The following RTTN variants were observed in gnomAD, a reference collection of about 807,000 sequenced individuals.
RTTN encodes the protein rotatin.
A neutral mutation model predicts 269.2 loss-of-function variants in RTTN; 182 were observed. The ratio of observed to expected loss-of-function variants is 0.68; its 90% CI spans 0.60 to 0.76. RTTN has a LOEUF of 0.76. Among genes scored for constraint, RTTN ranks in the 30% least tolerant of loss-of-function variants. The pLI is 0.00. For missense variants in RTTN, 2,545 were observed against 2,608.6 expected, an observed-to-expected ratio of 0.98 and a Z score of 0.53; for synonymous variants, 1,006 against 963.5, an observed-to-expected ratio of 1.04 and a Z score of -0.82.
At chr18:70,135,322 C>T (rs753511345) in intron 21 of RTTN, 42 bp from the exon 22 acceptor site, 1 of 1,159,868 alleles carries the variant, frequency 8.6e-7, no homozygotes, top group South Asian at 1.4e-5. Flanking sequence ...ATTTGTACGT[C>T]TAGAAAGAAT....
rs765143937 is a variant in RTTN, at chr18:70,017,686, TAG to T, written c.6154-14_6154-13del. The T allele has an allele frequency of 2.5e-5, 40 of 1,591,662 alleles. No homozygotes were observed. Among genetic ancestry groups the T allele is most frequent in the Non-Finnish European group, 3.3e-5 (39 of 1,169,474 alleles). On this transcript the variant is annotated splice_polypyrimidine_tract_variant and intron_variant, in intron 45 of 48. Coordinates refer to ENST00000640769, the MANE Select transcript of RTTN (RefSeq NM_173630.4). ...TGTAAGAAGTTACTCTGTGGATAAA[TAG>T]AGAGAATATTATTTTCTTCTCATCT...
chr18:70,149,921 C>G (rs775834411), intron 16 of RTTN, 50 bp downstream of exon 16: 1 of 1,264,340 alleles, frequency 7.9e-7, no homozygotes, highest in Admixed American at 1.7e-5. Context: ...AAATCAATCA[C>G]ACCCAGCCAA....
At chr18:70,102,860 G>C (rs1283022374) in intron 28 of RTTN, among the ~76,000 whole-genome samples, 1 of 152,224 alleles carries the variant, frequency 6.6e-6, no homozygotes, top group Non-Finnish European at 1.5e-5. Flanking sequence ...GAAATTCTGG[G>C]TTGAAAATTC....
chr18:70,032,212 TG>T (rs573767233), intron 40 of RTTN, among the ~76,000 whole-genome samples: 1 of 152,168 alleles, frequency 6.6e-6, no homozygotes, highest in Non-Finnish European at 1.5e-5. Flanking sequence ...GCCCATGAGA[TG>T]GGGCCAATCT....
intron 32 of RTTN, among the ~76,000 whole-genome samples, chr18:70,078,453 A>G (rs994383086): frequency 1.8e-4 from 27 of 151,986 alleles, no homozygotes; most frequent in Admixed American, 5.9e-4. Flanking sequence ...GATGATTAAG[A>G]GCTTAGAAAA....
At chr18:70,135,569 A>G (rs2060105353) in intron 21 of RTTN, among the ~76,000 whole-genome samples, 2 of 152,156 alleles carry the variant, frequency 1.3e-5, no homozygotes. Context: ...ACACTTGTAG[A>G]TACACTCACT....
intron 28 of RTTN, 34 bp downstream of exon 28, chr18:70,109,464 T>C (rs1156735629): frequency 6.4e-7 from 1 of 1,550,494 alleles, no homozygotes; most frequent in Middle Eastern, 1.7e-4. Flanking sequence ...AAGCAACTAA[T>C]AGTAAATAAC....
At chr18:70,110,311 C>G (rs533188197) in intron 27 of RTTN, among the ~76,000 whole-genome samples, 1 of 152,062 alleles carries the variant, frequency 6.6e-6, no homozygotes, top group Admixed American at 6.5e-5. Flanking sequence ...CTGCAGCTCC[C>G]GGCAAGATCG....
intron 28 of RTTN, among the ~76,000 whole-genome samples, chr18:70,093,032 A>T (rs186797875): frequency 2.4e-3 from 367 of 152,286 alleles, no homozygotes; most frequent in Admixed American, 4.2e-3. Flanking sequence ...AGCAAGACCC[A>T]GTCTACTTTA....
chr18:70,150,847 CTTTT>C, intron 14 of RTTN, 114 bp from the exon 15 acceptor site: 1 of 731,778 alleles, frequency 1.4e-6, no homozygotes, highest in Admixed American at 3.3e-5. Context: ...TTCATTGAAA[CTTTT>C]TTTAACAAGA....
intron 14 of RTTN, among the ~76,000 whole-genome samples, chr18:70,158,775 A>C (rs1357636873): frequency 6.6e-6 from 1 of 152,230 alleles, no homozygotes; most frequent in Non-Finnish European, 1.5e-5. Context: ...CAGAAAACAA[A>C]AAAAGAGCAG....
At chr18:70,129,624 A>G (rs1038074977) in intron 23 of RTTN, 1 of 68,478 alleles carries the variant, frequency 1.5e-5, no homozygotes, top group Non-Finnish European at 3.2e-5. Context: ...TGAAAATCAA[A>G]TCAAAATGAA....
chr18:70,045,542 C>T (rs758876829), intron 40 of RTTN, among the ~76,000 whole-genome samples: 6 of 152,176 alleles, frequency 3.9e-5, no homozygotes, highest in African/African-American at 7.2e-5. Flanking sequence ...CTTATCAAAA[C>T]GTGTTGCTGT....
At position 70,032,758 on chromosome 18, in the gene RTTN, TA is replaced by T. The variant is rs768370468; in HGVS notation, c.5542-1778del. Among the ~76,000 whole-genome samples, 31 of 152,302 alleles carry T rather than the reference TA, an allele frequency of 2.0e-4. No individual in the cohort carries two copies. The South Asian group carries it at 3.1e-3, about 15-fold the overall frequency. Reference sequence around the variant, plus strand: ...GACTTCAACACCCCATTGACAGTATTAGACAGATAATCCAGGCAAAAAATTA... The same window carrying T: ...GACTTCAACACCCCATTGACAGTATTGACAGATAATCCAGGCAAAAAATTA... On this transcript the variant is annotated intron_variant, in intron 40 of 48. Transcript: ENST00000640769.
chr18:70,170,384 G>T (rs565906248), intron 11 of RTTN, among the ~76,000 whole-genome samples: 1 of 152,310 alleles, frequency 6.6e-6, no homozygotes, highest in Non-Finnish European at 1.5e-5. Flanking sequence ...TTTAAAACAG[G>T]ATAGGAAAGA....
chr18:70,127,991 A>G (rs1291332988), intron 24 of RTTN: 1 of 476,828 alleles, frequency 2.1e-6, no homozygotes, highest in Non-Finnish European at 3.7e-6. Context: ...GACAGATTAG[A>G]ATATTAAGAT....
chr18:70,205,394 C>A, intron 1 of RTTN, 79 bp from the exon 2 acceptor site: 1 of 1,560,674 alleles, frequency 6.4e-7, no homozygotes, highest in Non-Finnish European at 8.8e-7. Flanking sequence ...GCAGGAGCGG[C>A]GTGAAGACGG....
At chr18:70,122,013 C>T (rs548214135) in intron 25 of RTTN, among the ~76,000 whole-genome samples, 2 of 152,152 alleles carry the variant, frequency 1.3e-5, no homozygotes, top group South Asian at 2.1e-4. Context: ...CTCTAATAAC[C>T]GCCCAGTGAA....
intron 14 of RTTN, among the ~76,000 whole-genome samples, chr18:70,160,237 G>C (rs940926049): frequency 1.3e-5 from 2 of 151,690 alleles, no homozygotes; most frequent in African/African-American, 4.8e-5. Flanking sequence ...AATCCACCAC[G>C]ATCAAGTATG....
Sources: allele counts gnomAD v4.1 joint callset (sites outside exome capture counted in the v4.1 genomes callset), GRCh38; gene constraint gnomAD v4.1.1; transcripts MANE v1.5; gene names NCBI Gene and HGNC (gene_info 2026-07-23, HGNC 2026-07-21).